The following LOC128706665 variants were observed in gnomAD, a reference collection of about 807,000 sequenced individuals.
At chr20:10,430,038 CAAA>C in the LOC128706665 span, among the ~76,000 whole-genome samples, 1 of 151,890 alleles carries the variant, frequency 6.6e-6, no homozygotes, top group African/African-American at 2.4e-5. Context: ...AAACAAAAAA[CAAA>C]AAAACAAAAA....
the LOC128706665 span, among the ~76,000 whole-genome samples, chr20:10,418,192 T>G: frequency 6.6e-6 from 1 of 152,234 alleles, no homozygotes; most frequent in Non-Finnish European, 1.5e-5. Flanking sequence ...GCTTAAGATT[T>G]GATTTAAAAT....
At chr20:10,433,152 C>G in the LOC128706665 span, among the ~76,000 whole-genome samples, 1 of 152,218 alleles carries the variant, frequency 6.6e-6, no homozygotes, top group Non-Finnish European at 1.5e-5. Context: ...TACAGGCGTG[C>G]GCCACTGCGC....
chr20:10,429,715 T>C, the LOC128706665 span, among the ~76,000 whole-genome samples: 1 of 152,188 alleles, frequency 6.6e-6, no homozygotes, highest in South Asian at 2.1e-4. Flanking sequence ...TAAGTGTTTC[T>C]TTACATAATC....
the LOC128706665 span, among the ~76,000 whole-genome samples, chr20:10,418,295 T>G: frequency 6.6e-6 from 1 of 152,218 alleles, no homozygotes; most frequent in South Asian, 2.1e-4. Flanking sequence ...CGAAATGCCC[T>G]TAACTATTAA....
At chr20:10,429,057 CT>C in the LOC128706665 span, among the ~76,000 whole-genome samples, 2 of 152,144 alleles carry the variant, frequency 1.3e-5, no homozygotes, top group African/African-American at 4.8e-5. Flanking sequence ...AACAAATTCC[CT>C]AAGGCAACTG....
At chr20:10,428,216 T>C in the LOC128706665 span, among the ~76,000 whole-genome samples, 1 of 152,236 alleles carries the variant, frequency 6.6e-6, no homozygotes, top group Non-Finnish European at 1.5e-5. Flanking sequence ...CTGAGAATCC[T>C]GTCCCCTTTC....
the LOC128706665 span, chr20:10,420,808 T>C: frequency 2.6e-5 from 4 of 152,174 alleles, no homozygotes; most frequent in Non-Finnish European, 5.9e-5. Context: ...ACCCATAACC[T>C]CCCTTTAATT....
the LOC128706665 span, among the ~76,000 whole-genome samples, chr20:10,433,832 G>A: frequency 6.6e-6 from 1 of 152,152 alleles, no homozygotes; most frequent in South Asian, 2.1e-4. Flanking sequence ...GGAGCGTGGT[G>A]AGGCGCCACT....
At chr20:10,428,798 C>T in the LOC128706665 span, among the ~76,000 whole-genome samples, 5 of 152,130 alleles carry the variant, frequency 3.3e-5, no homozygotes, top group African/African-American at 1.2e-4. Context: ...GAGTCGAGAT[C>T]GCGCCATTGC....
At chr20:10,432,100 G>C in the LOC128706665 span, among the ~76,000 whole-genome samples, 1 of 152,198 alleles carries the variant, frequency 6.6e-6, no homozygotes, top group Non-Finnish European at 1.5e-5. Context: ...TGGCTGAAGA[G>C]AGTTGAAGTT....
At chr20:10,428,590 G>C in the LOC128706665 span, among the ~76,000 whole-genome samples, 3 of 152,182 alleles carry the variant, frequency 2.0e-5, no homozygotes, top group African/African-American at 7.2e-5. Context: ...TCTAATTCCA[G>C]CACTCGGGGA....
the LOC128706665 span, among the ~76,000 whole-genome samples, chr20:10,418,540 A>C: frequency 6.6e-6 from 1 of 152,150 alleles, no homozygotes; most frequent in African/African-American, 2.4e-5. Context: ...AGCCTGTTTA[A>C]ATATCTGCTT....
the LOC128706665 span, among the ~76,000 whole-genome samples, chr20:10,432,503 G>C: frequency 1.3e-5 from 2 of 152,136 alleles, no homozygotes; most frequent in Non-Finnish European, 2.9e-5. Context: ...TTTAAAAATT[G>C]TGTAGTAGGC....
the LOC128706665 span, among the ~76,000 whole-genome samples, chr20:10,430,460 G>C: frequency 9.2e-5 from 14 of 152,166 alleles, no homozygotes; most frequent in African/African-American, 2.9e-4. Flanking sequence ...TTATTATTTT[G>C]ATTATGTCAA....
the LOC128706665 span, among the ~76,000 whole-genome samples, chr20:10,418,476 T>G: frequency 6.6e-6 from 1 of 152,176 alleles, no homozygotes. Flanking sequence ...CTTCAACTAT[T>G]CGGAATTTGT....
the LOC128706665 span, among the ~76,000 whole-genome samples, chr20:10,422,743 G>A: frequency 3.4e-5 from 5 of 145,464 alleles, no homozygotes; most frequent in Non-Finnish European, 7.5e-5. Context: ...ACAGAGTCTT[G>A]CTCTGTCACC....
the LOC128706665 span, chr20:10,431,857 C>G: frequency 6.6e-6 from 1 of 152,290 alleles, no homozygotes; most frequent in Non-Finnish European, 1.5e-5. Context: ...TCTGCTTCAG[C>G]TCTTAGTTCA....
chr20:10,422,014 A>G, the LOC128706665 span, among the ~76,000 whole-genome samples: 10 of 152,268 alleles, frequency 6.6e-5, no homozygotes, highest in Admixed American at 3.9e-4. Context: ...TCTAAATGCC[A>G]TTAGAAAAAG....
the LOC128706665 span, among the ~76,000 whole-genome samples, chr20:10,415,690 AC>A: frequency 1.2e-3 from 190 of 152,366 alleles, no homozygotes; most frequent in African/African-American, 3.6e-3. Flanking sequence ...GTTAAAACTT[AC>A]ATACACACCC....
Sources: allele counts gnomAD v4.1 joint callset (sites outside exome capture counted in the v4.1 genomes callset), GRCh38; gene constraint gnomAD v4.1.1; transcripts MANE v1.5.